The following BORCS5 variants were observed in gnomAD, a reference collection of about 807,000 sequenced individuals.
BORCS5 encodes the protein BLOC-1-related complex subunit 5.
Under a neutral mutation model 22.1 loss-of-function variants are expected in BORCS5, and 17 were observed. That is an observed-to-expected ratio of 0.77 (90% CI 0.53 to 1.15). The LOEUF (loss-of-function observed/expected upper bound fraction) is 1.15, where lower values mean the gene tolerates loss of function less well. Ranked by LOEUF, BORCS5 falls within the 50% of genes most tolerant of loss-of-function variation. The pLI is 0.00. For missense variants in BORCS5, 247 were observed against 253.2 expected, an observed-to-expected ratio of 0.98 and a Z score of 0.17; for synonymous variants, 117 against 99.8, an observed-to-expected ratio of 1.17 and a Z score of -1.03.
intron 3 of BORCS5, 107 bp from the exon 4 acceptor site, chr12:12,465,439 G>C: frequency 1.0e-6 from 1 of 968,430 alleles, no homozygotes; most frequent in African/African-American, 1.6e-5. Context: ...AAACTTGTCA[G>C]CTTCCACTGG....
intron 3 of BORCS5, among the ~76,000 whole-genome samples, chr12:12,451,428 T>C (rs1942906726): frequency 6.6e-6 from 1 of 151,908 alleles, no homozygotes; most frequent in Non-Finnish European, 1.5e-5. Flanking sequence ...ACCAACACTT[T>C]AGGTTGTACA....
intron 2 of BORCS5, among the ~76,000 whole-genome samples, chr12:12,425,838 T>TA (rs1850101412): frequency 6.6e-6 from 1 of 152,200 alleles, no homozygotes; most frequent in African/African-American, 2.4e-5. Flanking sequence ...TAAACACTTA[T>TA]AGTGGTAGGA....
At chr12:12,426,436 A>C (rs1214128130) in intron 2 of BORCS5, among the ~76,000 whole-genome samples, 3 of 152,232 alleles carry the variant, frequency 2.0e-5, no homozygotes, top group African/African-American at 7.2e-5. Flanking sequence ...TTCCTCGAAG[A>C]CACTGAGGTG....
At chr12:12,395,435 A>AT (rs59277387) in intron 2 of BORCS5, among the ~76,000 whole-genome samples, 7,890 of 107,902 alleles carry the variant, frequency 0.073, 303 homozygotes, top group Non-Finnish European at 0.088. Context: ...CACCCAGCTA[A>AT]TTTTTTTTTT....
chr12:12,413,397 A>G (rs796521672), intron 2 of BORCS5, among the ~76,000 whole-genome samples: 20 of 143,482 alleles, frequency 1.4e-4, no homozygotes, highest in Non-Finnish European at 1.2e-4. Flanking sequence ...AGGGTTGGGG[A>G]TAAGGTCACA....
At chr12:12,406,417 C>T (rs1056399475) in intron 2 of BORCS5, among the ~76,000 whole-genome samples, 4 of 152,164 alleles carry the variant, frequency 2.6e-5, no homozygotes, top group African/African-American at 7.2e-5. Flanking sequence ...CTGATCAGGG[C>T]GTCTTCTCCA....
chr12:12,432,337 C>A (rs1460491942), intron 2 of BORCS5, among the ~76,000 whole-genome samples: 3 of 152,152 alleles, frequency 2.0e-5, no homozygotes, highest in Non-Finnish European at 4.4e-5. Context: ...GGTATCTTCT[C>A]CCAAGTTTGC....
intron 2 of BORCS5, among the ~76,000 whole-genome samples, chr12:12,376,395 G>A (rs186119329): frequency 8.6e-5 from 13 of 151,812 alleles, no homozygotes; most frequent in African/African-American, 2.7e-4. Flanking sequence ...CACCACGCCC[G>A]GCTAATTTTT....
rs1565915767 is a variant in BORCS5, at chr12:12,438,382, G to GAAAAAAAAAAAAAAAAAAA, written c.360+2602_360+2603insAAAAAAAAAAAAAAAAAAA. Among the ~76,000 whole-genome samples the GAAAAAAAAAAAAAAAAAAA allele has an allele frequency of 3.1e-4, 33 of 106,966 alleles. 1 individual carries two copies. The highest frequency in any genetic ancestry group is 1.5e-3 in the African/African-American group (27 of 18,068). The allele number at this position is 106,966 out of a possible 152,430, so 70.2% of individuals were successfully genotyped here. ...TCTCAAAAAAAAAAAAAAAAAAAAC[G>GAAAAAAAAAAAAAAAAAAA]AAAAACAACAACAAAAACCTCTAAT... On this transcript the variant is annotated intron_variant, in intron 3 of 3. Coordinates refer to ENST00000314565, the MANE Select transcript of BORCS5 (RefSeq NM_058169.6).
chr12:12,357,193 C>A lies in BORCS5; in HGVS notation c.-259C>A. The A allele has an allele frequency of 1.3e-6, 2 of 1,514,140 alleles. No individual in the cohort carries two copies. Among genetic ancestry groups the A allele is most frequent in the South Asian group, 1.2e-5 (1 of 82,264 alleles). The allele number at this position is 1,514,140 out of a possible 1,614,324, so 93.8% of individuals were successfully genotyped here. ...GTCATCTGCCGGTTCTCTTAGGGCT[C>A]CCGGAAAGAAGGAGGGCTAGCCGCG... On this transcript the variant is annotated 5_prime_UTR_variant, in exon 1 of 4. Transcript: ENST00000314565.
chr12:12,379,140 G>T (rs1488594287), intron 2 of BORCS5, among the ~76,000 whole-genome samples: 2 of 146,856 alleles, frequency 1.4e-5, no homozygotes. Flanking sequence ...CTTTTTGGAG[G>T]CAAAAATCTT....
intron 2 of BORCS5, among the ~76,000 whole-genome samples, chr12:12,363,445 C>CA (rs1174998983): frequency 6.6e-6 from 1 of 151,702 alleles, no homozygotes; most frequent in Non-Finnish European, 1.5e-5. Flanking sequence ...ACTAAAAATA[C>CA]AAAAAATTAG....
chr12:12,414,984 A>G (rs1941892261), intron 2 of BORCS5, among the ~76,000 whole-genome samples: 1 of 122,348 alleles, frequency 8.2e-6, no homozygotes, highest in Non-Finnish European at 1.8e-5. Context: ...CACTTCCTAG[A>G]TGGGATGGGG....
chr12:12,404,662 A>C (rs571207562), intron 2 of BORCS5, among the ~76,000 whole-genome samples: 1 of 152,306 alleles, frequency 6.6e-6, no homozygotes, highest in South Asian at 2.1e-4. Context: ...CAGCATGTCC[A>C]ACAGCAGTCT....
Position 12,469,430 on chromosome 12 carries a change from A to T in BORCS5, c.*3654A>T, listed in dbSNP as rs1032436066. On this transcript the variant is annotated 3_prime_UTR_variant, in exon 4 of 4. Coordinates refer to ENST00000314565, the MANE Select transcript of BORCS5 (RefSeq NM_058169.6). ...ATTTTATGTATGTGTGCGTCTGTAT[A>T]TATGTTTCTGTATCCTGAGTATTTC... 1.3e-5 allele frequency: 2 copies of T among 152,240 alleles called. No homozygotes were observed. Among genetic ancestry groups the T allele is most frequent in the African/African-American group, 4.8e-5 (2 of 41,468 alleles). 9.4% of individuals were successfully genotyped at this position (152,240 alleles called of 1,614,324 possible).
intron 2 of BORCS5, among the ~76,000 whole-genome samples, chr12:12,416,712 C>T (rs1454993557): frequency 6.6e-6 from 1 of 151,978 alleles, no homozygotes; most frequent in Non-Finnish European, 1.5e-5. Flanking sequence ...CCTTCCACCT[C>T]CGCCTACTGA....
In BORCS5 at chr12:12,455,773, G is replaced by A. The variant is rs1307285844; in HGVS notation, c.361-9773G>A. ...CAGCATGGGCAACAGAGTGAGACTC[G>A]GTCTTAAAAAAAAAAAAAAAAGCAG... On this transcript the variant is annotated intron_variant, in intron 3 of 3. Coordinates refer to ENST00000314565, the MANE Select transcript of BORCS5 (RefSeq NM_058169.6). Among the ~76,000 whole-genome samples, 6 of 107,146 alleles carry A rather than the reference G, an allele frequency of 5.6e-5. No homozygotes were observed. In the South Asian group the frequency reaches 7.2e-4, roughly 13 times the overall value. 70.3% of individuals were successfully genotyped at this position (107,146 alleles called of 152,430 possible).
At chr12:12,403,996 TCTTCA>T (rs1191662528) in intron 2 of BORCS5, among the ~76,000 whole-genome samples, 18 of 152,208 alleles carry the variant, frequency 1.2e-4, no homozygotes, top group Non-Finnish European at 2.6e-4. Flanking sequence ...CTTTGTAGAC[TCTTCA>T]AAAGGCTGAA....
At chr12:12,426,116 G>A (rs7969849) in intron 2 of BORCS5, among the ~76,000 whole-genome samples, 87,298 of 152,014 alleles carry the variant, frequency 0.57, 25,506 homozygotes, top group African/African-American at 0.63. Context: ...TTCCAATTCC[G>A]GGTCTACCTG....
Sources: gnomAD v4.1 joint callset for allele counts (sites outside exome capture counted in the v4.1 genomes callset) on GRCh38, gnomAD v4.1.1 for gene constraint, MANE v1.5 for transcripts, NCBI Gene and HGNC (gene_info 2026-07-23, HGNC 2026-07-21) for gene names.